The following KCNK15 variants were observed in gnomAD, a reference collection of about 807,000 sequenced individuals.
The protein encoded by KCNK15 is potassium channel subfamily K member 15.
In KCNK15, 9 loss-of-function variants were observed where a neutral mutation model predicts 8.5. That is an observed-to-expected ratio of 1.06 (90% confidence interval 0.64 to 1.85). The LOEUF (loss-of-function observed/expected upper bound fraction) is 1.85, where lower values mean the gene tolerates loss of function less well. Among genes scored for constraint, KCNK15 ranks in the 40% most tolerant of loss-of-function variants. KCNK15 has a pLI of 0.00. For synonymous variants in KCNK15, 224 were observed against 232.7 expected (o/e 0.96, Z 0.34); for missense variants, 467 against 476.8 (o/e 0.98, Z 0.19).
intron 1 of KCNK15, among the ~76,000 whole-genome samples, chr20:44,747,380 T>C (rs766580547): frequency 6.6e-6 from 1 of 152,176 alleles, no homozygotes; most frequent in Non-Finnish European, 1.5e-5. Flanking sequence ...TGAAGCCAAG[T>C]AGGCACTATT....
At position 44,750,647 on chromosome 20, in the gene KCNK15, G is replaced by A. The variant is rs918713355; in HGVS notation, c.802G>A (p.Ala268Thr). The A allele has an allele frequency of 6.6e-7, 1 of 1,513,370 alleles. No homozygotes were observed. The highest frequency in any genetic ancestry group is 1.2e-5 in the South Asian group (1 of 80,644). The allele number at this position is 1,513,370 out of a possible 1,614,324, so 93.7% of individuals were successfully genotyped here. A position where few individuals can be genotyped will look rare whatever the true frequency, so the allele number is the denominator to read the frequency against. ...CACCCCCAGCCCGCGCCCCCCGGGG[G>A]CGCCCGAGAGCCGTGGCCTCTGGCT... ...ARTPSPRPPGAPESRGLWLPR... is the reference protein window; with the variant it reads ...ARTPSPRPPGTPESRGLWLPR... The change falls in exon 2 of 2, where the codon GCG becomes ACG. Residue 268 changes from alanine (A) to threonine (T), a missense_variant. By Grantham distance (58) the Ala-to-Thr change is moderately conservative. This residue lies in a region of KCNK15 where 455 missense variants were observed against 441.2 expected (regional missense o/e 1.03). Transcript: ENST00000372861.
rs1395013308 is a variant in KCNK15 at position 44,751,485 on chromosome 20, CCAT to C, written c.*648_*650del. ...GGGAGGCCTTGCTGTCACCCACCCA[CCAT>C]GTCACTGGGGCCACTTGGACACAGC... On this transcript the variant is annotated 3_prime_UTR_variant, in exon 2 of 2. Coordinates refer to ENST00000372861, the MANE Select transcript of KCNK15 (RefSeq NM_022358.4). 2 of 152,262 alleles carry C rather than the reference CCAT, an allele frequency of 1.3e-5. No individual in the cohort carries two copies. The highest frequency in any genetic ancestry group is 4.8e-5 in the African/African-American group (2 of 41,446). 9.4% of individuals were successfully genotyped at this position (152,262 alleles called of 1,614,324 possible).
rs1424209164 is a variant in KCNK15 at position 44,750,519 on chromosome 20, T to C, written c.674T>C (p.Phe225Ser). 3.1e-6 allele frequency: 5 copies of C among 1,612,860 alleles called. No homozygotes were observed. The highest frequency in any genetic ancestry group is 4.2e-6 in the Non-Finnish European group (5 of 1,179,542). ...QRKLPYVAFS[F>S]LYILLGLTVI... ...AAGCTCCCCTACGTGGCCTTCAGCTTCCTCTACATCCTCCTGGGGCTCACG... is the reference window on the plus strand; with the variant it reads ...AAGCTCCCCTACGTGGCCTTCAGCTCCCTCTACATCCTCCTGGGGCTCACG... The change falls in exon 2 of 2, where the codon TTC becomes TCC. Residue 225 changes from phenylalanine (F) to serine (S), a missense_variant. Phe to Ser is a radical substitution (Grantham distance 155). Around this residue, in one of 2 missense-constraint regions of KCNK15, gnomAD observed 455 missense variants for 441.2 expected, o/e 1.03. Coordinates refer to ENST00000372861, the MANE Select transcript of KCNK15 (RefSeq NM_022358.4).
At chr20:44,749,695 T>C (rs1056339842) in intron 1 of KCNK15, among the ~76,000 whole-genome samples, 1 of 152,072 alleles carries the variant, frequency 6.6e-6, no homozygotes, top group Non-Finnish European at 1.5e-5. Context: ...ATGCCTTCTG[T>C]AGTTAAGCCT....
rs546367718 is a variant in KCNK15, at chr20:44,746,888, T to C, written c.283+695T>C. ...ACTGATAACCACAGGCTCTGGACTC[T>C]GCCCTCAGGGATGCAGAGCAGTTCC... On this transcript the variant is annotated intron_variant, in intron 1 of 1. Coordinates refer to ENST00000372861, the MANE Select transcript of KCNK15 (RefSeq NM_022358.4). The C allele has an allele frequency of 2.0e-5, 3 of 152,366 alleles. No individual in the cohort carries two copies. In the East Asian group the frequency reaches 5.8e-4, roughly 29 times the overall value. The allele number at this position is 152,366 out of a possible 1,614,324, so 9.4% of individuals were successfully genotyped here.
intron 1 of KCNK15, among the ~76,000 whole-genome samples, chr20:44,749,253 A>G (rs2066019023): frequency 6.6e-6 from 1 of 152,172 alleles, no homozygotes; most frequent in Admixed American, 6.5e-5. Context: ...TGAGAATACC[A>G]TGAAAGCAAC....
At position 44,750,658 on chromosome 20, in the gene KCNK15, C is replaced by T. The variant is rs1262447864; in HGVS notation, c.813C>T (p.Ser271=). The change falls in exon 2 of 2, where the codon AGC becomes AGT. Residue 271 remains serine (S), a synonymous_variant. Transcript: ENST00000372861. Reference sequence around the variant, plus strand: ...CGCGCCCCCCGGGGGCGCCCGAGAGCCGTGGCCTCTGGCTGCCCCGCCGCC... The same window carrying T: ...CGCGCCCCCCGGGGGCGCCCGAGAGTCGTGGCCTCTGGCTGCCCCGCCGCC... The part of the protein sequence containing the change: ...PSPRPPGAPE[S]RGLWLPRRPA... 15 of 1,501,250 alleles carry T rather than the reference C, an allele frequency of 1.0e-5. No homozygotes were observed. Among genetic ancestry groups the T allele is most frequent in the South Asian group, 2.5e-5 (2 of 80,140 alleles). 93.0% of individuals were successfully genotyped at this position (1,501,250 alleles called of 1,614,324 possible). A position where few individuals can be genotyped will look rare whatever the true frequency, so the allele number is the denominator to read the frequency against.
Position 44,745,996 on chromosome 20 carries a change from T to C in KCNK15, c.86T>C (p.Leu29Pro). The C allele has an allele frequency of 6.5e-7, 1 of 1,528,594 alleles. No homozygotes were observed. The highest frequency in any genetic ancestry group is 8.8e-7 in the Non-Finnish European group (1 of 1,138,468). The allele number at this position is 1,528,594 out of a possible 1,614,324, so 94.7% of individuals were successfully genotyped here. A position where few individuals can be genotyped will look rare whatever the true frequency, so the allele number is the denominator to read the frequency against. Residue 29 changes from leucine to proline, a missense_variant, in exon 1 of 2, where the codon CTC (leucine) becomes CCC (proline). Leu to Pro is a moderately conservative substitution (Grantham distance 98). This residue lies in a region of KCNK15 where 455 missense variants were observed against 441.2 expected (regional missense o/e 1.03). Transcript: ENST00000372861. ...GTGGGCGCTGCTGTCTTCGACGCGC[T>C]CGAGTCCGAGGCGGAAAGCGGCCGC... ...LLVGAAVFDA[L>P]ESEAESGRQR...
At position 44,746,167 on chromosome 20, in the gene KCNK15, T is replaced by G; in HGVS notation, c.257T>G (p.Phe86Cys). 7.1e-7 allele frequency: 1 copy of G among 1,415,072 alleles called. No individual in the cohort carries two copies. The highest frequency in any genetic ancestry group is 9.3e-7 in the Non-Finnish European group (1 of 1,077,928). 87.7% of individuals were successfully genotyped at this position (1,415,072 alleles called of 1,614,324 possible). The change falls in exon 1 of 2, where the codon TTC (phenylalanine) becomes TGC (cysteine). Residue 86 changes from phenylalanine to cysteine, a missense_variant. By Grantham distance (205) the Phe-to-Cys change is radical (BLOSUM62 -2). Transcript: ENST00000372861. ...RQWKFPGSFY[F>C]AITVITTIEY... ...TGGAAGTTCCCCGGCTCCTTCTACT[T>G]CGCCATCACCGTCATCACTACCATC...
chr20:44,749,960 G>T (rs923590578), intron 1 of KCNK15, among the ~76,000 whole-genome samples, 169 bp from the exon 2 acceptor site: 2 of 152,214 alleles, frequency 1.3e-5, no homozygotes, highest in African/African-American at 2.4e-5. Flanking sequence ...GGGACACTTG[G>T]GTTGTCTGAA....
chr20:44,749,341 A>C (rs1269241463), intron 1 of KCNK15, among the ~76,000 whole-genome samples: 49 of 152,254 alleles, frequency 3.2e-4, no homozygotes, highest in Non-Finnish European at 2.9e-5. Context: ...CCAGGACTCA[A>C]GATTGCCCAG....
rs1264209133 is a variant in KCNK15 at position 44,750,109 on chromosome 20, C to T, written c.284-20C>T. ...TGGAGCTGGGCGCTCACAGCCCTCC[C>T]CTCCGCTCTCCCTGCATAGAGTACG... On this transcript the variant is annotated intron_variant, in intron 1 of 1. Transcript: ENST00000372861. The T allele has an allele frequency of 8.9e-6, 14 of 1,579,426 alleles. No individual in the cohort carries two copies. The highest frequency in any genetic ancestry group is 8.6e-6 in the Non-Finnish European group (10 of 1,163,282).
Position 44,745,944 on chromosome 20 carries a change from G to T in KCNK15, c.34G>T (p.Val12Phe). The stretch of plus-strand genomic sequence containing the variant: ...GCCGAGCGTGCGCGCGGCCGGGCTG[G>T]TCCTGTGCACCCTGTGTTACCTGCT... ...RRPSVRAAGL[V>F]LCTLCYLLVG... The change falls in exon 1 of 2, where the codon GTC becomes TTC. Residue 12 changes from valine to phenylalanine, a missense_variant. Around this residue, in one of 2 missense-constraint regions of KCNK15, gnomAD observed 12 missense variants for 35.6 expected, o/e 0.34. Coordinates refer to ENST00000372861, the MANE Select transcript of KCNK15 (RefSeq NM_022358.4). 7.1e-7 allele frequency: 1 copy of T among 1,403,974 alleles called. No individual in the cohort carries two copies. Among genetic ancestry groups the T allele is most frequent in the South Asian group, 1.7e-5 (1 of 59,944 alleles). 87.0% of individuals were successfully genotyped at this position (1,403,974 alleles called of 1,614,324 possible).
intron 1 of KCNK15, among the ~76,000 whole-genome samples, chr20:44,749,430 C>T (rs1197070744): frequency 6.6e-6 from 1 of 152,058 alleles, no homozygotes; most frequent in Admixed American, 6.6e-5. Context: ...AAAAGGTGTT[C>T]AGTGCGGGCA....
rs753668093 is a variant in KCNK15, at chr20:44,750,423, G to A, written c.578G>A (p.Cys193Tyr). The A allele has an allele frequency of 1.2e-6, 2 of 1,613,998 alleles. No homozygotes were observed. Among genetic ancestry groups the A allele is most frequent in the Admixed American group, 1.7e-5 (1 of 60,022 alleles). The change falls in exon 2 of 2, where the codon TGC (cysteine) becomes TAC (tyrosine). Residue 193 changes from cysteine to tyrosine, a missense_variant. Physicochemically the swap from Cys to Tyr is radical, Grantham distance 194. Around this residue, in one of 2 missense-constraint regions of KCNK15, gnomAD observed 455 missense variants for 441.2 expected, o/e 1.03. Transcript: ENST00000372861. ...ACCTTCTTCCACGCCTACTACTACTGCTTCATCACCCTCACCACCATCGGC... is the reference window on the plus strand; with the variant it reads ...ACCTTCTTCCACGCCTACTACTACTACTTCATCACCCTCACCACCATCGGC... ...GWTFFHAYYY[C>Y]FITLTTIGFG...
chr20:44,749,049 G>T (rs915717789), intron 1 of KCNK15, among the ~76,000 whole-genome samples: 4 of 152,170 alleles, frequency 2.6e-5, no homozygotes, highest in Non-Finnish European at 4.4e-5. Flanking sequence ...CGCTATGACC[G>T]ACAATGCTGC....
In KCNK15 at chr20:44,750,902, C is replaced by T. The variant is rs1180568681; in HGVS notation, c.*64C>T. 3.3e-5 allele frequency: 38 copies of T among 1,141,310 alleles called. No individual in the cohort carries two copies. The highest frequency in any genetic ancestry group is 4.0e-5 in the Non-Finnish European group (35 of 876,122). 70.7% of individuals were successfully genotyped at this position (1,141,310 alleles called of 1,614,324 possible). On this transcript the variant is annotated 3_prime_UTR_variant, in exon 2 of 2. Transcript: ENST00000372861. ...GGTCTGGCTTCAGCTATCAGGGCAC[C>T]CTCCCCAGGGATTGGAAACGGATGA...
chr20:44,748,573 G>A (rs1003835669), intron 1 of KCNK15, among the ~76,000 whole-genome samples: 1 of 152,172 alleles, frequency 6.6e-6, no homozygotes, highest in African/African-American at 2.4e-5. Context: ...ACAGTTGCCA[G>A]TTTCTTGTGT....
chr20:44,750,550 T>C lies in KCNK15; in HGVS notation c.705T>C (p.Ile235=), dbSNP rs1200406336. Residue 235 remains isoleucine, a synonymous_variant, in exon 2 of 2, where the codon ATT becomes ATC. Coordinates refer to ENST00000372861, the MANE Select transcript of KCNK15 (RefSeq NM_022358.4). ...ACATCCTCCTGGGGCTCACGGTCAT[T>C]GGCGCCTTCCTCAACCTGGTGGTCC... The part of the protein sequence containing the change: ...FLYILLGLTV[I]GAFLNLVVLR... 9.3e-6 allele frequency: 15 copies of C among 1,612,918 alleles called. No homozygotes were observed. The highest frequency in any genetic ancestry group is 1.3e-5 in the African/African-American group (1 of 75,014).
Sources: allele counts gnomAD v4.1 joint callset (sites outside exome capture counted in the v4.1 genomes callset), GRCh38; gene constraint gnomAD v4.1.1; regional missense constraint gnomAD v4.1.1; transcripts MANE v1.5; gene names NCBI Gene and HGNC (gene_info 2026-07-23, HGNC 2026-07-21).